The following ALPK1 variants were observed in gnomAD, a reference collection of about 807,000 sequenced individuals.
ALPK1 encodes alpha-protein kinase 1.
ALPK1 carries 110 observed loss-of-function variants against 120.6 expected under a neutral mutation model. That is an observed-to-expected ratio of 0.91 (90% CI 0.78 to 1.07). The LOEUF is 1.07. Ranked by LOEUF, ALPK1 falls within the 50% of genes least tolerant of loss-of-function variation. The probability of loss-of-function intolerance (pLI) is 0.00; values close to 1 mark genes in which losing one functional copy is unlikely to be tolerated. For synonymous variants in ALPK1, 582 were observed against 560.3 expected (o/e 1.04, Z -0.55); for missense variants, 1,498 against 1,483.9 (o/e 1.01, Z -0.16).
At chr4:112,386,090 A>G (rs1372393243) in intron 4 of ALPK1, among the ~76,000 whole-genome samples, 2 of 152,228 alleles carry the variant, frequency 1.3e-5, no homozygotes, top group Admixed American at 6.5e-5. Flanking sequence ...GGTAAAATTA[A>G]GAGTCATTTA....
chr4:112,358,216 C>A, intron 2 of ALPK1: 1 of 598,056 alleles, frequency 1.7e-6, no homozygotes, highest in Non-Finnish European at 3.1e-6. Flanking sequence ...GGGCTGTCTT[C>A]CTCTGTGACC....
chr4:112,418,037 G>C (rs1733817668), intron 5 of ALPK1, among the ~76,000 whole-genome samples: 1 of 152,178 alleles, frequency 6.6e-6, no homozygotes, highest in South Asian at 2.1e-4. Context: ...CTAGTGAAAA[G>C]TAAAGAGAAC....
At chr4:112,391,531 AT>A (rs112990287) in intron 4 of ALPK1, among the ~76,000 whole-genome samples, 145 of 152,316 alleles carry the variant, frequency 9.5e-4, no homozygotes, top group African/African-American at 3.1e-3. Context: ...GATGGAATTA[AT>A]TAAGTTAAAA....
At position 112,441,635 on chromosome 4, in the gene ALPK1, A is replaced by G. The variant is rs1735045549; in HGVS notation, c.*425A>G. The G allele has an allele frequency of 5.8e-6, 1 of 171,228 alleles. No individual in the cohort carries two copies. The highest frequency in any genetic ancestry group is 5.9e-5 in the Admixed American group (1 of 17,044). 10.6% of individuals were successfully genotyped at this position (171,228 alleles called of 1,614,324 possible). The stretch of plus-strand genomic sequence containing the variant: ...TCAATTTGTTTTCCTGTCTTTTGAC[A>G]TTTGACTTTGCATAAAAGTTTATCT... On this transcript the variant is annotated 3_prime_UTR_variant, in exon 16 of 16. Transcript: ENST00000650871.
At chr4:112,343,762 C>G (rs1336175750) in intron 2 of ALPK1, among the ~76,000 whole-genome samples, 16 of 149,310 alleles carry the variant, frequency 1.1e-4, no homozygotes, top group Admixed American at 4.7e-4. Flanking sequence ...CTTCTCCCCC[C>G]TACCCCCGTT....
At chr4:112,347,311 G>A (rs555738514) in intron 2 of ALPK1, among the ~76,000 whole-genome samples, 2 of 152,146 alleles carry the variant, frequency 1.3e-5, no homozygotes, top group African/African-American at 4.8e-5. Context: ...CTTCTGGCAC[G>A]TAATCTTAAT....
At chr4:112,426,285 A>G (rs1015048844) in intron 7 of ALPK1, 182 bp from the exon 8 acceptor site, 8 of 399,886 alleles carry the variant, frequency 2.0e-5, no homozygotes, top group African/African-American at 1.7e-4. Flanking sequence ...TGAAATGGAA[A>G]AATTGTCTAT....
chr4:112,379,461 C>G (rs1731807727), intron 3 of ALPK1, among the ~76,000 whole-genome samples: 1 of 152,232 alleles, frequency 6.6e-6, no homozygotes, highest in African/African-American at 2.4e-5. Context: ...CATTGGCAGC[C>G]GTAGCATCAG....
At chr4:112,357,270 G>T in intron 2 of ALPK1, 2 of 1,286,774 alleles carry the variant, frequency 1.6e-6, no homozygotes, top group Non-Finnish European at 2.2e-6. Context: ...GGACGTGCTG[G>T]GGTGTTCGCC....
At chr4:112,391,791 G>A (rs932990666) in intron 4 of ALPK1, among the ~76,000 whole-genome samples, 2 of 152,186 alleles carry the variant, frequency 1.3e-5, no homozygotes, top group Non-Finnish European at 2.9e-5. Flanking sequence ...CCAGAAGTGA[G>A]GAATGATACA....
intron 4 of ALPK1, among the ~76,000 whole-genome samples, chr4:112,402,757 A>G (rs769404888): frequency 1.2e-4 from 19 of 152,202 alleles, no homozygotes; most frequent in Non-Finnish European, 2.4e-4. Flanking sequence ...TGCTATTTGG[A>G]CAATCTTCCC....
intron 3 of ALPK1, 106 bp downstream of exon 3, chr4:112,378,004 A>ATAC: frequency 8.4e-7 from 1 of 1,190,202 alleles, no homozygotes. Flanking sequence ...TTCTCTTGGC[A>ATAC]GATGACCACC....
intron 2 of ALPK1, among the ~76,000 whole-genome samples, chr4:112,361,528 A>G (rs1182137710): frequency 6.6e-6 from 1 of 152,116 alleles, no homozygotes; most frequent in African/African-American, 2.4e-5. Context: ...TTGGCCTGGG[A>G]ACAAGACCCC....
intron 5 of ALPK1, among the ~76,000 whole-genome samples, chr4:112,421,162 C>T (rs748172311): frequency 2.0e-5 from 3 of 152,098 alleles, no homozygotes; most frequent in Non-Finnish European, 4.4e-5. Flanking sequence ...AACATCTCAG[C>T]GTACTCCATG....
chr4:112,338,369 T>C (rs1441810587), intron 2 of ALPK1, among the ~76,000 whole-genome samples: 1 of 152,316 alleles, frequency 6.6e-6, no homozygotes, highest in Non-Finnish European at 1.5e-5. Flanking sequence ...CCAAAAAGCA[T>C]AGAGTTTTTT....
intron 2 of ALPK1, among the ~76,000 whole-genome samples, chr4:112,321,790 T>A (rs896419241): frequency 2.0e-5 from 3 of 152,234 alleles, no homozygotes; most frequent in African/African-American, 7.2e-5. Flanking sequence ...TATTTGTCAG[T>A]TGCATAATAT....
At chr4:112,329,453 C>T (rs922709842) in intron 2 of ALPK1, among the ~76,000 whole-genome samples, 1 of 152,156 alleles carries the variant, frequency 6.6e-6, no homozygotes, top group African/African-American at 2.4e-5. Flanking sequence ...CCCAGACCCA[C>T]GTATTTCACT....
At chr4:112,302,736 GCAAACAAA>G (rs74913108) in intron 1 of ALPK1, among the ~76,000 whole-genome samples, 17 of 150,764 alleles carry the variant, frequency 1.1e-4, no homozygotes, top group Admixed American at 1.1e-3. Flanking sequence ...AAAAAAGCAA[GCAAACAAA>G]CAAACAAACA....
intron 11 of ALPK1, among the ~76,000 whole-genome samples, chr4:112,434,023 C>T (rs935841478): frequency 1.1e-4 from 16 of 152,128 alleles, no homozygotes; most frequent in African/African-American, 3.9e-4. Flanking sequence ...GACTAAAATA[C>T]AAATCACATT....
Sources: gnomAD v4.1 joint callset for allele counts (sites outside exome capture counted in the v4.1 genomes callset) on GRCh38, gnomAD v4.1.1 for gene constraint, MANE v1.5 for transcripts, NCBI Gene and HGNC (gene_info 2026-07-23, HGNC 2026-07-21) for gene names.